The following MYO1D variants were observed in gnomAD, a reference collection of about 807,000 sequenced individuals.
MYO1D encodes myosin ID, also known as unconventional myosin-Id.
In MYO1D, 83 loss-of-function variants were observed where a neutral mutation model predicts 122.0. The observed-to-expected ratio is 0.68, with a 90% CI of 0.57 to 0.82. The LOEUF (loss-of-function observed/expected upper bound fraction) is 0.82. Ranked by LOEUF, MYO1D falls within the 40% of genes least tolerant of loss-of-function variation. MYO1D has a pLI of 0.00. For missense variants in MYO1D, 1,157 were observed against 1,269.5 expected (o/e 0.91, Z 1.35); for synonymous variants, 464 against 446.9 (o/e 1.04, Z -0.48).
chr17:32,530,796 G>A (rs777007892), intron 21 of MYO1D, among the ~76,000 whole-genome samples: 1 of 152,124 alleles, frequency 6.6e-6, no homozygotes, highest in Non-Finnish European at 1.5e-5. Flanking sequence ...GTGAGACCCT[G>A]TTGCTAAAAA....
chr17:32,803,965 A>C (rs191935816), intron 1 of MYO1D, among the ~76,000 whole-genome samples: 3 of 152,330 alleles, frequency 2.0e-5, no homozygotes, highest in African/African-American at 7.2e-5. Flanking sequence ...CAAGCAAGGA[A>C]GTTCCCTTTG....
intron 16 of MYO1D, among the ~76,000 whole-genome samples, chr17:32,708,350 T>C (rs1002228289): frequency 3.3e-5 from 5 of 152,220 alleles, no homozygotes; most frequent in Admixed American, 1.3e-4. Flanking sequence ...GGTGGGGTTT[T>C]AGGTGACTTT....
chr17:32,813,717 GA>G lies in MYO1D; in HGVS notation c.96-32934del, dbSNP rs369541530. On this transcript the variant is annotated intron_variant, in intron 1 of 21. Coordinates refer to ENST00000318217, the MANE Select transcript of MYO1D (RefSeq NM_015194.3). Reference sequence around the variant, plus strand: ...GCAAGGGCCTTCCAAGTCATGTTAAGAAGTTCTGGCTACAGCATGGAAGTCT... The same window carrying G: ...GCAAGGGCCTTCCAAGTCATGTTAAGAGTTCTGGCTACAGCATGGAAGTCT... 1.6e-3 allele frequency among the ~76,000 whole-genome samples: 243 copies of G among 152,340 alleles called. 1 individual carries two copies. Among genetic ancestry groups the G allele is most frequent in the African/African-American group, 5.6e-3 (232 of 41,570 alleles).
chr17:32,762,676 C>A (rs532290318), intron 8 of MYO1D, among the ~76,000 whole-genome samples: 18 of 152,188 alleles, frequency 1.2e-4, no homozygotes, highest in African/African-American at 3.4e-4. Flanking sequence ...GAGTTTGAGA[C>A]CAGCCTGGCC....
At chr17:32,676,988 T>C (rs181592073) in intron 16 of MYO1D, among the ~76,000 whole-genome samples, 180 of 152,112 alleles carry the variant, frequency 1.2e-3, no homozygotes, top group African/African-American at 4.3e-3. Flanking sequence ...TTTTTTGTAT[T>C]TTTAGTAGAG....
chr17:32,519,901 T>TTA lies in MYO1D; in HGVS notation c.2865-24987_2865-24986insTA, dbSNP rs1567875073. On this transcript the variant is annotated intron_variant, in intron 21 of 21. Coordinates refer to ENST00000318217, the MANE Select transcript of MYO1D (RefSeq NM_015194.3). ...GGGTAAACAGCAGGCTTTTTTTTTT[T>TTA]AAAAAAAAAAACCAGGGCGATGTCT... Among the ~76,000 whole-genome samples, 4 of 132,234 alleles carry TTA rather than the reference T, an allele frequency of 3.0e-5. 1 individual carries two copies. The South Asian group carries it at 9.3e-4, about 31-fold the overall frequency. 86.8% of individuals were successfully genotyped at this position (132,234 alleles called of 152,430 possible).
chr17:32,731,408 G>A (rs2089637552), intron 14 of MYO1D, among the ~76,000 whole-genome samples: 1 of 151,370 alleles, frequency 6.6e-6, no homozygotes, highest in Non-Finnish European at 1.5e-5. Context: ...TCATTTTCTG[G>A]CCTTTCATTT....
intron 1 of MYO1D, among the ~76,000 whole-genome samples, chr17:32,837,470 TTTAGA>T (rs2090839082): frequency 6.6e-6 from 1 of 152,150 alleles, no homozygotes; most frequent in Non-Finnish European, 1.5e-5. Context: ...CTGCTGGACA[TTTAGA>T]TTATTTTCTT....
intron 11 of MYO1D, among the ~76,000 whole-genome samples, chr17:32,753,463 A>T (rs1426530347): frequency 1.3e-5 from 2 of 152,206 alleles, no homozygotes; most frequent in African/African-American, 4.8e-5. Context: ...CAAAAGAAAG[A>T]GCCACTTGGT....
In MYO1D at chr17:32,876,904, T is replaced by G. The variant is rs200337764; in HGVS notation, c.-32A>C. On this transcript the variant is annotated 5_prime_UTR_variant, in exon 1 of 22. Transcript: ENST00000318217. ...AGCGCGGGGGCTCAGGTGGGCGCGC[T>G]CGGGCCTCCGGGGCCGCTCCGTGGG... is the stretch of plus-strand genomic sequence containing the variant. 878 of 1,414,398 alleles carry G rather than the reference T, an allele frequency of 6.2e-4. 3 individuals are homozygous for G. The highest frequency in any genetic ancestry group is 5.0e-3 in the Admixed American group (199 of 40,134). The allele number at this position is 1,414,398 out of a possible 1,614,324, so 87.6% of individuals were successfully genotyped here. A position where few individuals can be genotyped will look rare whatever the true frequency, so the allele number is the denominator to read the frequency against.
intron 15 of MYO1D, among the ~76,000 whole-genome samples, chr17:32,714,261 C>G (rs1460495882): frequency 6.6e-6 from 1 of 151,196 alleles, no homozygotes; most frequent in Non-Finnish European, 1.5e-5. Context: ...TGTTATTCAC[C>G]CCGATATGTC....
chr17:32,785,047 G>A (rs932797314), intron 1 of MYO1D, among the ~76,000 whole-genome samples: 1 of 152,162 alleles, frequency 6.6e-6, no homozygotes, highest in East Asian at 1.9e-4. Context: ...TCAATAAGGT[G>A]CTCAGTGGGG....
chr17:32,853,798 T>G (rs1482983367), intron 1 of MYO1D, among the ~76,000 whole-genome samples: 1 of 152,214 alleles, frequency 6.6e-6, no homozygotes, highest in Non-Finnish European at 1.5e-5. Flanking sequence ...TGCTCTAGAA[T>G]CAATATATGC....
chr17:32,773,431 T>C (rs903569178), intron 4 of MYO1D, among the ~76,000 whole-genome samples: 2 of 152,162 alleles, frequency 1.3e-5, no homozygotes, highest in East Asian at 1.9e-4. Context: ...CCACACTCCA[T>C]TGGTGTCTGA....
intron 1 of MYO1D, among the ~76,000 whole-genome samples, chr17:32,875,423 C>T (rs913424842): frequency 6.6e-6 from 1 of 152,108 alleles, no homozygotes; most frequent in Admixed American, 6.5e-5. Context: ...TCATTTAACC[C>T]TCAGGACAAC....
intron 21 of MYO1D, among the ~76,000 whole-genome samples, chr17:32,576,251 G>A (rs116248995): frequency 8.5e-4 from 130 of 152,286 alleles, no homozygotes; most frequent in African/African-American, 3.0e-3. Context: ...CTGATGGCAA[G>A]TTTGTAAACT....
chr17:32,814,002 A>G (rs2090593374), intron 1 of MYO1D, among the ~76,000 whole-genome samples: 1 of 152,338 alleles, frequency 6.6e-6, no homozygotes, highest in African/African-American at 2.4e-5. Flanking sequence ...TTCTCGAGGC[A>G]GCAACACTTT....
intron 21 of MYO1D, among the ~76,000 whole-genome samples, chr17:32,537,756 A>T (rs917692390): frequency 6.6e-5 from 10 of 152,252 alleles, no homozygotes; most frequent in Non-Finnish European, 1.5e-4. Flanking sequence ...GAAGGAAACA[A>T]TGCTTACAAA....
intron 10 of MYO1D, 196 bp downstream of exon 10, chr17:32,760,091 TCAA>T: frequency 1.4e-6 from 1 of 711,328 alleles, no homozygotes; most frequent in Non-Finnish European, 2.6e-6. Context: ...GTTCTGGGCA[TCAA>T]CAAGGCAGTC....
Sources: gnomAD v4.1 joint callset for allele counts (sites outside exome capture counted in the v4.1 genomes callset) on GRCh38, gnomAD v4.1.1 for gene constraint, MANE v1.5 for transcripts, NCBI Gene and HGNC (gene_info 2026-07-23, HGNC 2026-07-21) for gene names.